CACNA1C: variants seen among roughly 807,000 people sequenced by gnomAD.
CACNA1C encodes calcium voltage-gated channel subunit alpha1 C, also known as voltage-dependent L-type calcium channel subunit alpha-1C.
Under a neutral mutation model 229.0 loss-of-function variants are expected in CACNA1C, and 30 were observed. That is an observed-to-expected ratio of 0.13 (90% CI 0.10 to 0.18). The LOEUF (loss-of-function observed/expected upper bound fraction) is 0.18, where lower values mean the gene tolerates loss of function less well. CACNA1C is among the 10% of genes least tolerant of loss of function. The pLI, the probability that CACNA1C is intolerant of heterozygous loss-of-function variation, is 1.00. For missense variants in CACNA1C, 1,658 were observed against 2,845.0 expected (o/e 0.58, Z 9.49); for synonymous variants, 1,114 against 1,132.5 (o/e 0.98, Z 0.33).
rs2097263068 is a variant in CACNA1C, at chr12:2,353,376, T to G, written c.478-95600T>G. Among the ~76,000 whole-genome samples the G allele has an allele frequency of 3.3e-5, 5 of 152,324 alleles. No homozygotes were observed. In the South Asian group the frequency reaches 1.0e-3, roughly 32 times the overall value. On this transcript the variant is annotated intron_variant, in intron 3 of 46. Transcript: ENST00000399655. ...CCTTGTCCCCCTGGCCGTGCTCTTA[T>G]CCTCCCTACCTGTCCCATGCCAGGA...
intron 10 of CACNA1C, among the ~76,000 whole-genome samples, chr12:2,553,183 G>A (rs957519436): frequency 3.3e-5 from 5 of 152,254 alleles, no homozygotes; most frequent in East Asian, 1.9e-4. Context: ...CCTCAGCCTC[G>A]TCCTCTGGGA....
Position 2,633,703 on chromosome 12 carries a change from T to C in CACNA1C, c.3829-594T>C, listed in dbSNP as rs2091571566. ...GCAGCATAATTGACGTCATTCTCAG[T>C]GAGACTAATGTGAGTATTACTCTGC... is the stretch of plus-strand genomic sequence containing the variant. On this transcript the variant is annotated intron_variant, in intron 29 of 46. Transcript: ENST00000399655. This position sits in a 1 kb window ranked among gnomAD's most constrained non-coding sequence, Gnocchi z 5.8. The C allele has an allele frequency of 6.3e-7, 1 of 1,590,648 alleles. No homozygotes were observed. Among genetic ancestry groups the C allele is most frequent in the African/African-American group, 1.3e-5 (1 of 74,572 alleles).
At chr12:2,430,434 G>C (rs1026172440) in intron 3 of CACNA1C, among the ~76,000 whole-genome samples, 3 of 152,142 alleles carry the variant, frequency 2.0e-5, no homozygotes, top group Non-Finnish European at 2.9e-5. Flanking sequence ...AAGTGACCCA[G>C]ATACCTTGAT....
chr12:2,219,615 G>A lies in CACNA1C; in HGVS notation c.477+99185G>A, dbSNP rs149899173. The stretch of plus-strand genomic sequence containing the variant: ...TCCAGCTTTTCCTGTTAGACCCTCA[G>A]AGGAAGAAGCTCCAGCCCGTAACCT... On this transcript the variant is annotated intron_variant, in intron 3 of 46. Transcript: ENST00000399655. Among the ~76,000 whole-genome samples the A allele has an allele frequency of 4.5e-3, 690 of 152,324 alleles. 6 individuals carry two copies. The highest frequency in any genetic ancestry group is 0.015 in the African/African-American group (605 of 41,562).
intron 3 of CACNA1C, among the ~76,000 whole-genome samples, chr12:2,264,923 G>A (rs116469254): frequency 2.6e-5 from 4 of 152,138 alleles, no homozygotes; most frequent in South Asian, 4.1e-4. Context: ...CCTATCCTGC[G>A]TTGGCTCCTT....
At chr12:2,542,109 G>A (rs527417932) in intron 9 of CACNA1C, among the ~76,000 whole-genome samples, 26 of 151,870 alleles carry the variant, frequency 1.7e-4, no homozygotes, top group African/African-American at 5.1e-4. Context: ...TGTTTCCTTC[G>A]TGGATTTATT....
At chr12:2,563,253 TACC>T (rs1429604063) in intron 11 of CACNA1C, among the ~76,000 whole-genome samples, 1 of 152,264 alleles carries the variant, frequency 6.6e-6, no homozygotes, top group Non-Finnish European at 1.5e-5. Flanking sequence ...TGTGTACATG[TACC>T]ACATTTTCTT....
chr12:2,554,430 A>C (rs1053538211), intron 10 of CACNA1C, among the ~76,000 whole-genome samples: 1 of 152,234 alleles, frequency 6.6e-6, no homozygotes, highest in African/African-American at 2.4e-5. Flanking sequence ...TCATTGGAAC[A>C]ACAACAGTGG....
At chr12:2,685,628 G>T in intron 43 of CACNA1C, 108 bp from the exon 44 acceptor site, 1 of 780,488 alleles carries the variant, frequency 1.3e-6, no homozygotes, top group African/African-American at 1.7e-5. Context: ...CAAAGTGTGC[G>T]TCCCTTCACT....
chr12:2,435,541 A>G (rs894953727), intron 3 of CACNA1C, among the ~76,000 whole-genome samples: 10 of 152,182 alleles, frequency 6.6e-5, no homozygotes, highest in African/African-American at 2.4e-4. Flanking sequence ...TGGTCCGGGC[A>G]GGGGGAAGGG....
intron 3 of CACNA1C, among the ~76,000 whole-genome samples, chr12:2,438,290 A>ATGGTGGTGGTGG (rs755702533): frequency 8.2e-6 from 1 of 122,648 alleles, no homozygotes; most frequent in Non-Finnish European, 1.7e-5. Context: ...AGTGGTAATG[A>ATGGTGGTGGTGG]TGGTGGTGGT....
At chr12:2,609,281 G>A (rs934606950) in intron 27 of CACNA1C, among the ~76,000 whole-genome samples, 18 of 152,102 alleles carry the variant, frequency 1.2e-4, no homozygotes, top group Admixed American at 7.2e-4. Flanking sequence ...CTGTCGTGGT[G>A]GGAGGTAGAT....
chr12:2,416,424 AGAAG>A (rs1567557677), intron 3 of CACNA1C, among the ~76,000 whole-genome samples: 3 of 152,122 alleles, frequency 2.0e-5, no homozygotes, highest in Non-Finnish European at 4.4e-5. Context: ...AAGAAAAAAG[AGAAG>A]GAAGGAAGGA....
intron 11 of CACNA1C, among the ~76,000 whole-genome samples, chr12:2,557,412 A>C (rs890064880): frequency 6.6e-6 from 1 of 152,208 alleles, no homozygotes; most frequent in Non-Finnish European, 1.5e-5. Context: ...CTTGACAATG[A>C]CAGAACCTAC....
At position 2,504,330 on chromosome 12, in the gene CACNA1C, C is replaced by A; in HGVS notation, c.1114-512C>A. 1.4e-6 allele frequency: 1 copy of A among 692,772 alleles called. No homozygotes were observed. The highest frequency in any genetic ancestry group is 2.7e-6 in the Non-Finnish European group (1 of 377,222). 42.9% of individuals were successfully genotyped at this position (692,772 alleles called of 1,614,324 possible). A position where few individuals can be genotyped will look rare whatever the true frequency, so the allele number is the denominator to read the frequency against. ...ACCTGGTGCACATGAACAAAGCCCA[C>A]GTTCAGCCCCGTCTGTCCCCTCCCA... is the stretch of plus-strand genomic sequence containing the variant. On this transcript the variant is annotated intron_variant, in intron 7 of 46. Coordinates refer to ENST00000399655, the MANE Select transcript of CACNA1C (RefSeq NM_000719.7). This position sits in a 1 kb window ranked among gnomAD's most constrained non-coding sequence, Gnocchi z 6.8.
intron 6 of CACNA1C, among the ~76,000 whole-genome samples, chr12:2,492,582 C>T (rs532101591): frequency 2.0e-5 from 3 of 152,238 alleles, no homozygotes; most frequent in Non-Finnish European, 4.4e-5. Flanking sequence ...AGTCCGTTTT[C>T]CGTCTTTCGC....
chr12:2,631,971 C>T (rs1175298657), intron 29 of CACNA1C, among the ~76,000 whole-genome samples: 1 of 152,020 alleles, frequency 6.6e-6, no homozygotes, highest in Non-Finnish European at 1.5e-5. Flanking sequence ...GGGAAGAACA[C>T]AGATTCTTGG....
At chr12:2,572,655 CCTCTCTTCCTCCTCTTCCTCCTCCTT>C (rs2056338051) in intron 13 of CACNA1C, among the ~76,000 whole-genome samples, 1 of 138,762 alleles carries the variant, frequency 7.2e-6, no homozygotes, top group Non-Finnish European at 1.6e-5. Context: ...TCTTCCTCCT[CCTCTCTTCCTCCTCTTCCTCCTCCTT>C]CTTCTCTTCC....
At chr12:2,295,897 A>G (rs1450525399) in intron 3 of CACNA1C, among the ~76,000 whole-genome samples, 1 of 152,214 alleles carries the variant, frequency 6.6e-6, no homozygotes, top group African/African-American at 2.4e-5. Flanking sequence ...CATCTCCCAG[A>G]TCGCATGGGA....
Sources: gnomAD v4.1 joint callset for allele counts (sites outside exome capture counted in the v4.1 genomes callset) on GRCh38, gnomAD v4.1.1 for gene constraint, Gnocchi (gnomAD v3.1) non-coding constraint, MANE v1.5 for transcripts, NCBI Gene and HGNC (gene_info 2026-07-23, HGNC 2026-07-21) for gene names.